Variants in CTNNA3 observed in about 807,000 individuals in gnomAD.
The protein encoded by CTNNA3 is catenin alpha 3.
In CTNNA3, 76 loss-of-function variants were observed where a neutral mutation model predicts 95.7. The ratio of observed to expected loss-of-function variants is 0.79; its 90% CI spans 0.66 to 0.96. CTNNA3 has a LOEUF of 0.96. Among genes scored for constraint, CTNNA3 ranks in the 40% least tolerant of loss-of-function variants. The pLI is 0.00. For missense variants in CTNNA3, 1,191 were observed against 1,089.8 expected, an observed-to-expected ratio of 1.09 and a Z score of -1.31; for synonymous variants, 431 against 374.4, an observed-to-expected ratio of 1.15 and a Z score of -1.74.
At chr10:66,244,803 C>T (rs2090244560) in intron 13 of CTNNA3, among the ~76,000 whole-genome samples, 1 of 152,184 alleles carries the variant, frequency 6.6e-6, no homozygotes, top group Admixed American at 6.5e-5. Context: ...AAGACTAAAA[C>T]AAATACCTAA....
intron 9 of CTNNA3, among the ~76,000 whole-genome samples, chr10:66,637,070 C>T (rs1007087886): frequency 1.3e-5 from 2 of 152,154 alleles, no homozygotes; most frequent in South Asian, 2.1e-4. Flanking sequence ...ATAAGACTGT[C>T]ATATAAAAAT....
Position 65,966,627 on chromosome 10 carries a change from C to T in CTNNA3, c.2385G>A (p.Glu795=), listed in dbSNP as rs1440764145. 6.2e-7 allele frequency: 1 copy of T among 1,613,546 alleles called. No individual in the cohort carries two copies. The highest frequency in any genetic ancestry group is 1.3e-5 in the African/African-American group (1 of 74,912). The change falls in exon 17 of 18, where the codon GAG becomes GAA. Residue 795 remains glutamate, a synonymous_variant. Transcript: ENST00000433211. The part of the protein sequence containing the change: ...VKAEIQNLGG[E]LIMSALDSVT... ...CAGTACTCACAGCTGACATGATGAG[C>T]TCTCCTCCCAGGTTCTGGATCTCAG...
intron 7 of CTNNA3, among the ~76,000 whole-genome samples, chr10:66,960,939 T>G (rs1371652667): frequency 6.6e-6 from 1 of 152,158 alleles, no homozygotes; most frequent in African/African-American, 2.4e-5. Flanking sequence ...TAAGGACTAC[T>G]AGTTAATCAC....
intron 13 of CTNNA3, among the ~76,000 whole-genome samples, chr10:66,256,303 A>C (rs1041885719): frequency 3.9e-5 from 6 of 152,212 alleles, no homozygotes; most frequent in African/African-American, 1.2e-4. Context: ...ACACTTTCTA[A>C]GTCAGGCATC....
chr10:66,475,397 ACT>A (rs1037490956), intron 11 of CTNNA3, among the ~76,000 whole-genome samples: 10 of 151,944 alleles, frequency 6.6e-5, no homozygotes, highest in African/African-American at 2.4e-4. Context: ...TTTCGTATAG[ACT>A]CTGGATATTA....
intron 7 of CTNNA3, among the ~76,000 whole-genome samples, chr10:67,162,663 C>T (rs1589810567): frequency 6.6e-6 from 1 of 151,630 alleles, no homozygotes; most frequent in East Asian, 1.9e-4. Context: ...TAATAAAGAA[C>T]ACAAATAAAA....
At chr10:66,810,700 G>A (rs566503750) in intron 7 of CTNNA3, among the ~76,000 whole-genome samples, 1 of 152,258 alleles carries the variant, frequency 6.6e-6, no homozygotes, top group Non-Finnish European at 1.5e-5. Flanking sequence ...AATGAATGCT[G>A]TAGTAACAGC....
chr10:67,507,226 A>G (rs1158068682), intron 5 of CTNNA3, among the ~76,000 whole-genome samples: 2 of 152,172 alleles, frequency 1.3e-5, no homozygotes, highest in Non-Finnish European at 2.9e-5. Flanking sequence ...TAGACCAATA[A>G]TGAGTAAGAA....
intron 7 of CTNNA3, among the ~76,000 whole-genome samples, chr10:67,138,477 C>G (rs1860396897): frequency 6.6e-6 from 1 of 152,208 alleles, no homozygotes; most frequent in Non-Finnish European, 1.5e-5. Flanking sequence ...CTTATCTATA[C>G]TGCTCTATCA....
At chr10:67,003,821 C>A (rs1338420315) in intron 7 of CTNNA3, among the ~76,000 whole-genome samples, 1 of 152,102 alleles carries the variant, frequency 6.6e-6, no homozygotes, top group Non-Finnish European at 1.5e-5. Context: ...CATGTGTTGT[C>A]TCTAGCAGAG....
intron 9 of CTNNA3, among the ~76,000 whole-genome samples, chr10:66,665,149 C>G (rs1374588670): frequency 6.6e-6 from 1 of 152,146 alleles, no homozygotes; most frequent in Non-Finnish European, 1.5e-5. Context: ...TCATGGTGCC[C>G]TCTCCCAGCT....
At chr10:66,319,899 G>T (rs2092157925) in intron 12 of CTNNA3, among the ~76,000 whole-genome samples, 1 of 152,098 alleles carries the variant, frequency 6.6e-6, no homozygotes, top group African/African-American at 2.4e-5. Flanking sequence ...TCTCCTGTGG[G>T]TAGGAGTAGA....
intron 10 of CTNNA3, among the ~76,000 whole-genome samples, chr10:66,612,550 A>G (rs1844363677): frequency 6.6e-6 from 1 of 152,194 alleles, no homozygotes; most frequent in African/African-American, 2.4e-5. Context: ...TTTGGTTATT[A>G]GAAAGACTGG....
At chr10:67,669,817 G>A (rs1840397607) in intron 1 of CTNNA3, among the ~76,000 whole-genome samples, 1 of 152,178 alleles carries the variant, frequency 6.6e-6, no homozygotes, top group Non-Finnish European at 1.5e-5. Flanking sequence ...TAAATGGATA[G>A]AGAATGATTA....
At chr10:67,708,085 T>G (rs1305353669) in intron 1 of CTNNA3, among the ~76,000 whole-genome samples, 2 of 152,202 alleles carry the variant, frequency 1.3e-5, no homozygotes, top group African/African-American at 2.4e-5. Context: ...GAACAAACTA[T>G]TGAAGTTGAC....
intron 14 of CTNNA3, among the ~76,000 whole-genome samples, chr10:66,099,563 C>T (rs1400678880): frequency 6.6e-6 from 1 of 152,046 alleles, no homozygotes; most frequent in Non-Finnish European, 1.5e-5. Flanking sequence ...GGGACCAAAT[C>T]TGAGCTATCC....
chr10:67,731,852 G>GC (rs1841276403), intron 1 of CTNNA3, among the ~76,000 whole-genome samples: 1 of 148,444 alleles, frequency 6.7e-6, no homozygotes, highest in African/African-American at 2.6e-5. Context: ...CACATCATTA[G>GC]TTTTTGTTGT....
chr10:66,770,025 C>T (rs2132801564), intron 8 of CTNNA3, among the ~76,000 whole-genome samples: 1 of 152,240 alleles, frequency 6.6e-6, no homozygotes, highest in East Asian at 1.9e-4. Flanking sequence ...GTAAGAGACT[C>T]CAATGTCTTA....
At chr10:66,887,308 GC>G (rs138444561) in intron 7 of CTNNA3, among the ~76,000 whole-genome samples, 5,504 of 152,080 alleles carry the variant, frequency 0.036, 327 homozygotes, top group African/African-American at 0.13. Flanking sequence ...GATGAATGAT[GC>G]TCTCACTCTT....
Sources: allele counts gnomAD v4.1 joint callset (sites outside exome capture counted in the v4.1 genomes callset), GRCh38; gene constraint gnomAD v4.1.1; transcripts MANE v1.5; gene names NCBI Gene and HGNC (gene_info 2026-07-23, HGNC 2026-07-21).